SEZ6: variants seen among roughly 807,000 people sequenced by gnomAD.
SEZ6 encodes the protein seizure related 6 homolog.
A neutral mutation model predicts 101.0 loss-of-function variants in SEZ6; 53 were observed. The ratio of observed to expected loss-of-function variants is 0.52; its 90% CI spans 0.42 to 0.66. The LOEUF is 0.66. Ranked by LOEUF, SEZ6 falls within the 30% of genes least tolerant of loss-of-function variation. The pLI is 0.00. For missense variants in SEZ6, 1,102 were observed against 1,289.4 expected (o/e 0.85, Z 2.23); for synonymous variants, 488 against 512.2 (o/e 0.95, Z 0.64).
At chr17:28,967,648 G>A (rs2041090431) in intron 4 of SEZ6, among the ~76,000 whole-genome samples, 1 of 152,198 alleles carries the variant, frequency 6.6e-6, no homozygotes, top group Non-Finnish European at 1.5e-5. Context: ...TAGACCATGA[G>A]CCAGGCTCAG....
chr17:28,981,735 G>C lies in SEZ6; in HGVS notation c.360C>G (p.Thr120=), dbSNP rs373740519. 6 of 1,605,932 alleles carry C rather than the reference G, an allele frequency of 3.7e-6. No individual in the cohort carries two copies. The African/African-American group carries it at 8.0e-5, about 21-fold the overall frequency. ...CCGCAGCCATGGCTGGAGTGGGGCT[G>C]GTAAAGACAGGGCGGCTGTCCTGGT... is the stretch of plus-strand genomic sequence containing the variant. ...LANQDSRPVF[T]SPTPAMAAVP... The change falls in exon 2 of 17, where the codon ACC becomes ACG. Residue 120 remains threonine (T), a synonymous_variant. Transcript: ENST00000317338.
rs545456657 is a variant in SEZ6 at position 28,966,462 on chromosome 17, G to A, written c.1055-2315C>T. Among the ~76,000 whole-genome samples, 10 of 152,254 alleles carry A rather than the reference G, an allele frequency of 6.6e-5. No individual in the cohort carries two copies. The East Asian group carries it at 9.6e-4, about 15-fold the overall frequency. On this transcript the variant is annotated intron_variant, in intron 4 of 16. Coordinates refer to ENST00000317338, the MANE Select transcript of SEZ6 (RefSeq NM_178860.5). ...TGCGCTACTGCACTCCAGCCTGGGC[G>A]GCAGAGTGAGACTCTTTCTCAAAAA...
At position 29,005,004 on chromosome 17, in the gene SEZ6, C is replaced by G. The variant is rs2041666489; in HGVS notation, c.55+811G>C. On this transcript the variant is annotated intron_variant, in intron 1 of 16. Transcript: ENST00000317338. This position sits in a 1 kb window ranked among gnomAD's most constrained non-coding sequence, Gnocchi z 4.8. ...GGGAACAGGTCCTCCAGAGACAAAT[C>G]TGCCTTGCAGGTGGGGAGTGGACCA... 6.6e-6 allele frequency among the ~76,000 whole-genome samples: 1 copy of G among 151,984 alleles called. No homozygotes were observed. The highest frequency in any genetic ancestry group is 1.5e-5 in the Non-Finnish European group (1 of 67,998).
chr17:28,972,054 C>T (rs894882470), intron 3 of SEZ6, among the ~76,000 whole-genome samples: 4 of 152,276 alleles, frequency 2.6e-5, no homozygotes, highest in African/African-American at 4.8e-5. Flanking sequence ...CTTCTGCCCC[C>T]TGGGCATCCA....
chr17:28,980,765 A>G (rs11653113), intron 2 of SEZ6, among the ~76,000 whole-genome samples: 1 of 152,194 alleles, frequency 6.6e-6, no homozygotes, highest in Non-Finnish European at 1.5e-5. Flanking sequence ...CGGCCTCCCA[A>G]AGTGCTGGGA....
In SEZ6 at chr17:28,981,720, G is replaced by GGCT. The variant is rs779301023; in HGVS notation, c.372_374dup (p.Ala125dup). ...GGGGCTGAGTGGGTACCGCAGCCAT[G>GGCT]GCTGGAGTGGGGCTGGTAAAGACAG... is the stretch of plus-strand genomic sequence containing the variant. On this transcript the variant is annotated inframe_insertion, in exon 2 of 17. Coordinates refer to ENST00000317338, the MANE Select transcript of SEZ6 (RefSeq NM_178860.5). 1 of 1,598,760 alleles carries GGCT rather than the reference G, an allele frequency of 6.3e-7. No individual in the cohort carries two copies.
At chr17:28,961,042 C>T (rs1038265213) in intron 5 of SEZ6, 69 bp from the exon 6 acceptor site, 1 of 1,546,126 alleles carries the variant, frequency 6.5e-7, no homozygotes, top group African/African-American at 1.4e-5. Context: ...ATGCCTTCCT[C>T]CCTATCCCAG....
chr17:28,961,029 A>C (rs1480104233), intron 5 of SEZ6, 56 bp from the exon 6 acceptor site: 3 of 1,563,502 alleles, frequency 1.9e-6, no homozygotes, highest in Non-Finnish European at 2.6e-6. Flanking sequence ...CAGGCAGCCT[A>C]ACATGCCTTC....
chr17:28,981,354 G>A lies in SEZ6; in HGVS notation c.724+17C>T, dbSNP rs1019223560. The A allele has an allele frequency of 4.2e-5, 65 of 1,532,030 alleles. No homozygotes were observed. Among genetic ancestry groups the A allele is most frequent in the Non-Finnish European group, 5.3e-5 (60 of 1,134,186 alleles). The allele number at this position is 1,532,030 out of a possible 1,614,324, so 94.9% of individuals were successfully genotyped here. On this transcript the variant is annotated intron_variant, in intron 2 of 16. Coordinates refer to ENST00000317338, the MANE Select transcript of SEZ6 (RefSeq NM_178860.5). ...CCCATCCCCATTTCCACATCTGCAA[G>A]CCAGCAGGTAGCTGACCTGGTGTCT...
At position 28,959,276 on chromosome 17, in the gene SEZ6, G is replaced by C. The variant is rs2040934682; in HGVS notation, c.1911-55C>G. The C allele has an allele frequency of 6.2e-7, 1 of 1,613,432 alleles. No homozygotes were observed. Among genetic ancestry groups the C allele is most frequent in the Non-Finnish European group, 8.5e-7 (1 of 1,179,714 alleles). On this transcript the variant is annotated intron_variant, in intron 9 of 16. Coordinates refer to ENST00000317338, the MANE Select transcript of SEZ6 (RefSeq NM_178860.5). The surrounding 1 kb of genome is among the most constrained non-coding windows in gnomAD (Gnocchi z 4.4). ...GGCCTGGGGGCCCGAGGATGGGCTGGACAAGGGATATCCCCAGACCTCAGG... is the reference window on the plus strand; with the variant it reads ...GGCCTGGGGGCCCGAGGATGGGCTGCACAAGGGATATCCCCAGACCTCAGG...
At chr17:28,957,810 A>C in intron 11 of SEZ6, 137 bp downstream of exon 11, 1 of 1,037,318 alleles carries the variant, frequency 9.6e-7, no homozygotes, top group African/African-American at 1.6e-5. Context: ...CATTTCACAG[A>C]TGAGGAAACT....
chr17:29,003,027 G>A (rs1357862015), intron 1 of SEZ6, among the ~76,000 whole-genome samples: 1 of 152,118 alleles, frequency 6.6e-6, no homozygotes, highest in African/African-American at 2.4e-5. Flanking sequence ...AGCCATGGAG[G>A]CAGCCTCCAT....
At chr17:28,962,863 G>A (rs374299772) in intron 5 of SEZ6, among the ~76,000 whole-genome samples, 38 of 151,154 alleles carry the variant, frequency 2.5e-4, no homozygotes, top group Non-Finnish European at 4.7e-4. Context: ...GGTGGCTCAC[G>A]CCTGTAATCC....
chr17:28,996,521 TG>T (rs778825515), intron 1 of SEZ6, among the ~76,000 whole-genome samples: 1 of 151,968 alleles, frequency 6.6e-6, no homozygotes, highest in Non-Finnish European at 1.5e-5. Context: ...TGAGTCTCCT[TG>T]AGGGGTCAGT....
chr17:29,001,573 G>A lies in SEZ6; in HGVS notation c.55+4242C>T, dbSNP rs201579385. On this transcript the variant is annotated intron_variant, in intron 1 of 16. Coordinates refer to ENST00000317338, the MANE Select transcript of SEZ6 (RefSeq NM_178860.5). ...AGCGTGAGGTAGAGTGAGCCAGATTGGTCCGGGAGGGGAAAGGAATTTCAG... is the reference window on the plus strand; with the variant it reads ...AGCGTGAGGTAGAGTGAGCCAGATTAGTCCGGGAGGGGAAAGGAATTTCAG... 1.4e-4 allele frequency among the ~76,000 whole-genome samples: 22 copies of A among 152,346 alleles called. No homozygotes were observed. In the East Asian group the frequency reaches 2.5e-3, roughly 17 times the overall value.
In SEZ6 at chr17:28,988,207, C is replaced by T. The variant is rs1465016836; in HGVS notation, c.56-6168G>A. 2.6e-5 allele frequency among the ~76,000 whole-genome samples: 4 copies of T among 152,232 alleles called. No individual in the cohort carries two copies. In the South Asian group the frequency reaches 8.3e-4, roughly 32 times the overall value. ...TTTGTCTCTGCAAAACCTCCCCATCCTTCACGGGTCAGTTCCTAGCCTCCT... is the reference window on the plus strand; with the variant it reads ...TTTGTCTCTGCAAAACCTCCCCATCTTTCACGGGTCAGTTCCTAGCCTCCT... On this transcript the variant is annotated intron_variant, in intron 1 of 16. Coordinates refer to ENST00000317338, the MANE Select transcript of SEZ6 (RefSeq NM_178860.5).
At chr17:28,994,689 G>A (rs996752240) in intron 1 of SEZ6, among the ~76,000 whole-genome samples, 7 of 151,972 alleles carry the variant, frequency 4.6e-5, no homozygotes, top group South Asian at 2.1e-4. Flanking sequence ...GATTACAGGC[G>A]TAAGCCACCG....
intron 1 of SEZ6, among the ~76,000 whole-genome samples, chr17:29,000,778 C>A (rs1488462632): frequency 6.6e-6 from 1 of 152,202 alleles, no homozygotes; most frequent in African/African-American, 2.4e-5. Flanking sequence ...CCATTCGAGG[C>A]ATCCCTCTCA....
intron 1 of SEZ6, among the ~76,000 whole-genome samples, chr17:29,000,835 G>T (rs538653256): frequency 7.6e-4 from 116 of 152,228 alleles, no homozygotes; most frequent in African/African-American, 2.7e-3. Flanking sequence ...GTTATAGGGG[G>T]GGTGGTCAGG....
Sources: gnomAD v4.1 joint callset for allele counts (sites outside exome capture counted in the v4.1 genomes callset) on GRCh38, gnomAD v4.1.1 for gene constraint, Gnocchi (gnomAD v3.1) non-coding constraint, MANE v1.5 for transcripts, NCBI Gene and HGNC (gene_info 2026-07-23, HGNC 2026-07-21) for gene names.